The following KIAA1217 variants were observed in gnomAD, a reference collection of about 807,000 sequenced individuals.
The protein encoded by KIAA1217 is KIAA1217.
In KIAA1217, 88 loss-of-function variants were observed where a neutral mutation model predicts 163.9. The ratio of observed to expected loss-of-function variants is 0.54; its 90% confidence interval spans 0.45 to 0.64. The LOEUF is 0.64. Ranked by LOEUF, KIAA1217 falls within the 30% of genes least tolerant of loss-of-function variation. The pLI, the probability that KIAA1217 is intolerant of heterozygous loss-of-function variation, is 0.00. For missense variants in KIAA1217, 2,372 were observed against 2,475.0 expected, an observed-to-expected ratio of 0.96 and a Z score of 0.88; for synonymous variants, 903 against 923.1, an observed-to-expected ratio of 0.98 and a Z score of 0.39.
intron 1 of KIAA1217, among the ~76,000 whole-genome samples, chr10:23,849,496 A>C (rs1166331331): frequency 6.6e-6 from 1 of 152,022 alleles, no homozygotes; most frequent in Non-Finnish European, 1.5e-5. Flanking sequence ...TTGCTCCATC[A>C]ATCCCTCCTA....
intron 1 of KIAA1217, among the ~76,000 whole-genome samples, chr10:23,810,450 C>A (rs1251599361): frequency 1.4e-5 from 2 of 140,056 alleles, no homozygotes; most frequent in Non-Finnish European, 3.0e-5. Context: ...TATAGATTAT[C>A]CTATGTATAC....
intron 1 of KIAA1217, among the ~76,000 whole-genome samples, chr10:23,823,769 T>G (rs979906771): frequency 6.6e-6 from 1 of 152,120 alleles, no homozygotes; most frequent in East Asian, 1.9e-4. Flanking sequence ...TTGTTTTAGT[T>G]CGGGGTAATG....
chr10:24,421,449 A>G (rs2058727544), intron 3 of KIAA1217, among the ~76,000 whole-genome samples: 1 of 152,190 alleles, frequency 6.6e-6, no homozygotes, highest in Non-Finnish European at 1.5e-5. Flanking sequence ...ACATTATTAT[A>G]TTGTCTATGA....
chr10:24,329,318 A>G (rs2045359580), intron 2 of KIAA1217, among the ~76,000 whole-genome samples: 1 of 150,458 alleles, frequency 6.6e-6, no homozygotes, highest in South Asian at 2.1e-4. Context: ...ATAAATATGT[A>G]TACTATATTA....
chr10:24,040,300 C>G (rs529468325), intron 2 of KIAA1217, among the ~76,000 whole-genome samples: 1 of 152,210 alleles, frequency 6.6e-6, no homozygotes. Flanking sequence ...TGACTGGTTC[C>G]TCTCTCCTCC....
At chr10:23,780,867 G>C (rs746127657) in intron 1 of KIAA1217, among the ~76,000 whole-genome samples, 17 of 152,142 alleles carry the variant, frequency 1.1e-4, no homozygotes, top group Non-Finnish European at 2.1e-4. Flanking sequence ...TTTTAGTAGA[G>C]ACTGGGTTTC....
At chr10:23,893,187 C>G (rs551986153) in intron 1 of KIAA1217, among the ~76,000 whole-genome samples, 6 of 152,038 alleles carry the variant, frequency 3.9e-5, no homozygotes, top group Non-Finnish European at 7.4e-5. Context: ...TTGGTCCATT[C>G]AGAGATTCAA....
intron 2 of KIAA1217, among the ~76,000 whole-genome samples, chr10:24,346,568 C>CTTTTTTTT (rs1177259021): frequency 1.7e-5 from 2 of 121,022 alleles, no homozygotes; most frequent in East Asian, 5.5e-4. Flanking sequence ...TTTGTTGGCC[C>CTTTTTTTT]TTTTTTTTTT....
intron 5 of KIAA1217, among the ~76,000 whole-genome samples, chr10:24,443,195 C>A (rs1291338762): frequency 6.6e-6 from 1 of 152,092 alleles, no homozygotes; most frequent in African/African-American, 2.4e-5. Flanking sequence ...GGCTACTGCG[C>A]CTGGACAGTA....
chr10:24,193,776 T>C (rs1046707547), intron 2 of KIAA1217, among the ~76,000 whole-genome samples: 2 of 151,062 alleles, frequency 1.3e-5, no homozygotes, highest in African/African-American at 4.9e-5. Flanking sequence ...TTTTTTTTTG[T>C]ATGAACTCCA....
chr10:24,357,916 G>T (rs1037195470), intron 2 of KIAA1217, among the ~76,000 whole-genome samples: 1 of 152,148 alleles, frequency 6.6e-6, no homozygotes, highest in African/African-American at 2.4e-5. Flanking sequence ...CCTGTTCCAG[G>T]GCTGTGAAGT....
intron 2 of KIAA1217, among the ~76,000 whole-genome samples, chr10:24,061,319 C>A (rs1382038833): frequency 6.6e-6 from 1 of 152,122 alleles, no homozygotes; most frequent in Admixed American, 6.6e-5. Context: ...ATGGATGTCA[C>A]AATTTTTATC....
At chr10:23,815,917 G>A (rs1474277493) in intron 1 of KIAA1217, among the ~76,000 whole-genome samples, 3 of 151,310 alleles carry the variant, frequency 2.0e-5, no homozygotes, top group African/African-American at 7.3e-5. Flanking sequence ...AATTCTCCAA[G>A]CTTACTGCAA....
intron 5 of KIAA1217, among the ~76,000 whole-genome samples, chr10:24,450,435 G>T (rs1048284782): frequency 5.3e-5 from 8 of 152,188 alleles, no homozygotes; most frequent in Admixed American, 3.3e-4. Context: ...GTCTTTGACA[G>T]AAATCTTGTT....
At chr10:24,035,012 G>C (rs542570065) in intron 2 of KIAA1217, among the ~76,000 whole-genome samples, 1 of 152,310 alleles carries the variant, frequency 6.6e-6, no homozygotes, top group African/African-American at 2.4e-5. Context: ...CGCTGTGACT[G>C]AACAGCCAGT....
At chr10:23,824,658 A>ATT (rs1379535101) in intron 1 of KIAA1217, among the ~76,000 whole-genome samples, 1 of 53,040 alleles carries the variant, frequency 1.9e-5, no homozygotes, top group African/African-American at 6.5e-5. Flanking sequence ...AAATAAAAAA[A>ATT]ATATATATAT....
At chr10:24,223,711 C>CTTTT in intron 2 of KIAA1217, among the ~76,000 whole-genome samples, 1 of 128,514 alleles carries the variant, frequency 7.8e-6, no homozygotes, top group Non-Finnish European at 1.7e-5. Context: ...AATCTAGGTT[C>CTTTT]TTTTTTTTTT....
At chr10:24,483,814 G>A (rs73604490) in intron 6 of KIAA1217, among the ~76,000 whole-genome samples, 3,256 of 152,266 alleles carry the variant, frequency 0.021, 126 homozygotes, top group African/African-American at 0.076. Context: ...TTCCAGATTA[G>A]CCTCAGGGAA....
intron 2 of KIAA1217, among the ~76,000 whole-genome samples, chr10:24,370,309 A>G (rs2051445973): frequency 6.6e-6 from 1 of 151,208 alleles, no homozygotes; most frequent in South Asian, 2.1e-4. Context: ...AGGTAGATAC[A>G]CTGAAAATCA....
Sources: gnomAD v4.1 joint callset for allele counts (sites outside exome capture counted in the v4.1 genomes callset) on GRCh38, gnomAD v4.1.1 for gene constraint, MANE v1.5 for transcripts, NCBI Gene and HGNC (gene_info 2026-07-23, HGNC 2026-07-21) for gene names.